PTPRN2: variants seen among roughly 807,000 people sequenced by gnomAD.
PTPRN2 encodes protein tyrosine phosphatase receptor type N2.
In PTPRN2, 74 loss-of-function variants were observed where a neutral mutation model predicts 118.8. That is an observed-to-expected ratio of 0.62 (90% CI 0.52 to 0.76). The LOEUF is 0.76. Ranked by LOEUF, PTPRN2 falls within the 30% of genes least tolerant of loss-of-function variation. PTPRN2 has a pLI of 0.00. For missense variants in PTPRN2, 1,481 were observed against 1,394.4 expected, an observed-to-expected ratio of 1.06 and a Z score of -0.99; for synonymous variants, 641 against 608.0, an observed-to-expected ratio of 1.05 and a Z score of -0.80.
At chr7:158,294,018 T>C (rs921054850) in intron 3 of PTPRN2, among the ~76,000 whole-genome samples, 2 of 152,246 alleles carry the variant, frequency 1.3e-5, no homozygotes, top group African/African-American at 4.8e-5. Flanking sequence ...ATGATAAAAG[T>C]ACAGCAAATA....
At chr7:157,976,670 A>G (rs944657464) in intron 11 of PTPRN2, among the ~76,000 whole-genome samples, 2 of 151,834 alleles carry the variant, frequency 1.3e-5, no homozygotes, top group Non-Finnish European at 1.5e-5. Context: ...TCTGCCGACC[A>G]TGCTTGCACG....
intron 3 of PTPRN2, among the ~76,000 whole-genome samples, chr7:158,228,231 T>C (rs775214205): frequency 6.6e-6 from 1 of 152,092 alleles, no homozygotes; most frequent in Non-Finnish European, 1.5e-5. Flanking sequence ...GGGATGCAAA[T>C]AACTTATTTA....
At chr7:158,569,064 C>T (rs547823187) in intron 1 of PTPRN2, among the ~76,000 whole-genome samples, 9 of 152,278 alleles carry the variant, frequency 5.9e-5, no homozygotes, top group Admixed American at 5.9e-4. Context: ...GCATGGGAGG[C>T]TACAGTGAGC....
intron 11 of PTPRN2, among the ~76,000 whole-genome samples, chr7:157,935,828 A>AG (rs879452367): frequency 1.4e-5 from 2 of 147,608 alleles, no homozygotes; most frequent in African/African-American, 2.5e-5. Context: ...TCACTCCCTC[A>AG]GGGGGGTCTA....
rs546084621 is a variant in PTPRN2 at position 158,370,551 on chromosome 7, G to A, written c.164-53619C>T. Among the ~76,000 whole-genome samples the A allele has an allele frequency of 6.6e-5, 10 of 152,254 alleles. No homozygotes were observed. The South Asian group carries it at 1.0e-3, about 16-fold the overall frequency. ...GTGGATCACGAGGTCAGGAGACTGA[G>A]ACCATCCTGGCCAACACGGTGAAAC... On this transcript the variant is annotated intron_variant, in intron 2 of 22. Transcript: ENST00000389418.
intron 21 of PTPRN2, among the ~76,000 whole-genome samples, chr7:157,567,292 T>C (rs1410761784): frequency 1.3e-5 from 2 of 152,238 alleles, no homozygotes. Context: ...GCATTTTGTT[T>C]TTGTTTGCAC....
intron 1 of PTPRN2, among the ~76,000 whole-genome samples, chr7:158,508,912 A>G (rs1006301572): frequency 2.7e-5 from 4 of 149,404 alleles, no homozygotes; most frequent in Non-Finnish European, 4.4e-5. Context: ...CGCTCGGAGC[A>G]GGTGCGGAAG....
At chr7:158,178,849 G>A (rs181881445) in intron 5 of PTPRN2, among the ~76,000 whole-genome samples, 384 of 152,046 alleles carry the variant, frequency 2.5e-3, no homozygotes, top group African/African-American at 8.2e-3. Context: ...CACCTGCCTC[G>A]GCCGCCCAAA....
intron 3 of PTPRN2, among the ~76,000 whole-genome samples, chr7:158,297,280 G>T (rs779956925): frequency 6.6e-6 from 1 of 152,194 alleles, no homozygotes; most frequent in African/African-American, 2.4e-5. Context: ...GCTTTCAGCC[G>T]TTCTGTCCTG....
chr7:158,432,163 G>A (rs1017912603), intron 2 of PTPRN2, among the ~76,000 whole-genome samples: 4 of 152,180 alleles, frequency 2.6e-5, no homozygotes, highest in East Asian at 3.8e-4. Flanking sequence ...CTTTAATGAC[G>A]TGTGAGGGAG....
intron 2 of PTPRN2, among the ~76,000 whole-genome samples, chr7:158,337,221 T>A (rs1158957812): frequency 6.6e-6 from 1 of 150,650 alleles, no homozygotes; most frequent in Non-Finnish European, 1.5e-5. Context: ...CTTGCAGACG[T>A]CACTAACACC....
At chr7:157,652,686 T>A (rs1396507008) in intron 14 of PTPRN2, among the ~76,000 whole-genome samples, 2 of 152,166 alleles carry the variant, frequency 1.3e-5, no homozygotes, top group Admixed American at 1.3e-4. Flanking sequence ...CCTGCAGTCC[T>A]GAGACACCAG....
At chr7:157,684,316 C>T (rs1362684064) in intron 12 of PTPRN2, among the ~76,000 whole-genome samples, 3 of 144,984 alleles carry the variant, frequency 2.1e-5, no homozygotes, top group East Asian at 4.3e-4. Context: ...GGTTCTCCAG[C>T]GGCGGGAGGC....
chr7:157,825,832 G>A (rs1192556957), intron 12 of PTPRN2, among the ~76,000 whole-genome samples: 2 of 152,212 alleles, frequency 1.3e-5, no homozygotes, highest in Non-Finnish European at 2.9e-5. Flanking sequence ...GAGCTCCCAG[G>A]CACTGTTCTG....
intron 20 of PTPRN2, among the ~76,000 whole-genome samples, chr7:157,571,188 G>A (rs545329583): frequency 9.3e-5 from 13 of 139,214 alleles, no homozygotes; most frequent in East Asian, 4.1e-4. Flanking sequence ...GCACTGCAGC[G>A]TGGGCAACAG....
intron 2 of PTPRN2, among the ~76,000 whole-genome samples, chr7:158,335,664 A>G (rs1384127540): frequency 6.2e-5 from 1 of 16,080 alleles, no homozygotes; most frequent in Non-Finnish European, 1.7e-4. Context: ...TCACCATAAG[A>G]GGTGACACAT....
intron 12 of PTPRN2, among the ~76,000 whole-genome samples, chr7:157,829,117 CT>C (rs1372735598): frequency 2.0e-5 from 3 of 152,268 alleles, no homozygotes; most frequent in African/African-American, 7.2e-5. Context: ...GAGCCGTGAG[CT>C]TTGATTCTGA....
At chr7:158,410,396 A>C in intron 2 of PTPRN2, among the ~76,000 whole-genome samples, 1 of 152,314 alleles carries the variant, frequency 6.6e-6, no homozygotes, top group East Asian at 1.9e-4. Context: ...GTGACTACAG[A>C]CAGGAGAATT....
At chr7:157,804,633 G>A (rs1459785418) in intron 12 of PTPRN2, among the ~76,000 whole-genome samples, 1 of 152,112 alleles carries the variant, frequency 6.6e-6, no homozygotes, top group African/African-American at 2.4e-5. Context: ...ACCCACGCGT[G>A]CACACACATA....
Sources: allele counts gnomAD v4.1 joint callset (sites outside exome capture counted in the v4.1 genomes callset), GRCh38; gene constraint gnomAD v4.1.1; transcripts MANE v1.5; gene names NCBI Gene and HGNC (gene_info 2026-07-23, HGNC 2026-07-21).